The following NUP62 variants were observed in gnomAD, a reference collection of about 807,000 sequenced individuals.
NUP62 encodes nuclear pore glycoprotein p62.
For synonymous variants in NUP62, 305 were observed against 303.4 expected, an observed-to-expected ratio of 1.01 and a Z score of -0.05; for missense variants, 647 against 689.4, an observed-to-expected ratio of 0.94 and a Z score of 0.69.
At position 49,909,394 on chromosome 19, in the gene NUP62, G is replaced by C. The variant is rs200074617; in HGVS notation, c.414C>G (p.Thr138=). 15 of 1,613,676 alleles carry C rather than the reference G, an allele frequency of 9.3e-6. No individual in the cohort carries two copies. Among genetic ancestry groups the C allele is most frequent in the Non-Finnish European group, 1.1e-5 (13 of 1,180,028 alleles). ...TGGTGGAGGGGCCAAACACAAAGCC[G>C]GTGGGTGCTGTGCCCTGGCTGGAGG... ...TVTSSQGTAP[T]GFVFGPSTTS... The change falls in exon 3 of 3, where the codon ACC becomes ACG. Residue 138 remains threonine (T), a synonymous_variant. Coordinates refer to ENST00000352066, the MANE Select transcript of NUP62 (RefSeq NM_016553.5).
chr19:49,912,166 CTT>C (rs60350799), intron 2 of NUP62, among the ~76,000 whole-genome samples: 1,355 of 115,410 alleles, frequency 0.012, 10 homozygotes, highest in African/African-American at 0.034. Flanking sequence ...AACAGTTCAC[CTT>C]TTTTTTTTTT....
At chr19:49,925,939 G>A (rs1381607294) in intron 2 of NUP62, among the ~76,000 whole-genome samples, 3 of 152,056 alleles carry the variant, frequency 2.0e-5, no homozygotes, top group Non-Finnish European at 2.9e-5. Flanking sequence ...CCTTGGGTAC[G>A]GTGGCTCACA....
intron 2 of NUP62, among the ~76,000 whole-genome samples, chr19:49,915,868 T>G (rs2075610920): frequency 6.6e-6 from 1 of 152,188 alleles, no homozygotes; most frequent in Admixed American, 6.5e-5. Context: ...AGGCCATCTA[T>G]GATGGGAGGG....
chr19:49,920,945 C>T (rs1262744002), intron 2 of NUP62, among the ~76,000 whole-genome samples: 1 of 152,152 alleles, frequency 6.6e-6, no homozygotes, highest in African/African-American at 2.4e-5. Flanking sequence ...GGGAAGGGCC[C>T]AGGCCGGGCT....
In NUP62 at chr19:49,909,435, T is replaced by A. The variant is rs757619226; in HGVS notation, c.373A>T (p.Ile125Leu). The A allele has an allele frequency of 5.6e-6, 9 of 1,613,984 alleles. No homozygotes were observed. Among genetic ancestry groups the A allele is most frequent in the Non-Finnish European group, 5.9e-6 (7 of 1,180,004 alleles). The change falls in exon 3 of 3, where the codon ATA becomes TTA. Residue 125 changes from isoleucine to leucine, a missense_variant. Transcript: ENST00000352066. ...TGGCTGGAGGTGACGGTGCTCGATATGGCATTAGTGAGGTTGCTGCTGCCC... is the reference window on the plus strand; with the variant it reads ...TGGCTGGAGGTGACGGTGCTCGATAAGGCATTAGTGAGGTTGCTGCTGCCC... ...GLGSSNLTNAISSTVTSSQGT... is the reference protein window; with the variant it reads ...GLGSSNLTNALSSTVTSSQGT...
At position 49,909,430 on chromosome 19, in the gene NUP62, C is replaced by T. The variant is rs61741016; in HGVS notation, c.378G>A (p.Ser126=). The T allele has an allele frequency of 3.0e-4, 492 of 1,613,822 alleles. No homozygotes were observed. Among genetic ancestry groups the T allele is most frequent in the Admixed American group, 1.9e-3 (115 of 59,996 alleles). ...TGCCCTGGCTGGAGGTGACGGTGCT[C>T]GATATGGCATTAGTGAGGTTGCTGC... ...LGSSNLTNAI[S]STVTSSQGTA... Residue 126 remains serine, a synonymous_variant, in exon 3 of 3, where the codon TCG becomes TCA. Coordinates refer to ENST00000352066, the MANE Select transcript of NUP62 (RefSeq NM_016553.5).
rs778299454 is a variant in NUP62 at position 49,908,970 on chromosome 19, T to C, written c.838A>G (p.Thr280Ala). The C allele has an allele frequency of 1.2e-5, 20 of 1,608,118 alleles. No individual in the cohort carries two copies. Among genetic ancestry groups the C allele is most frequent in the African/African-American group, 2.7e-5 (2 of 74,794 alleles). Residue 280 changes from threonine (T) to alanine (A), a missense_variant, in exon 3 of 3, where the codon ACC becomes GCC. Coordinates refer to ENST00000352066, the MANE Select transcript of NUP62 (RefSeq NM_016553.5). ...TTSTAATATATTTSSSSTTGF... is the reference protein window; with the variant it reads ...TTSTAATATAATTSSSSTTGF... ...GTGGTGCTGCTGCTGCTGGTGGTGG[T>C]GGCGGTGGCGGTGGCAGCGGTGGAT...
At chr19:49,919,979 G>A (rs1479722795) in intron 2 of NUP62, among the ~76,000 whole-genome samples, 1 of 152,038 alleles carries the variant, frequency 6.6e-6, no homozygotes, top group African/African-American at 2.4e-5. Flanking sequence ...CCAGGCTGGA[G>A]TGCAGTGGTG....
intron 2 of NUP62, 100 bp from the exon 3 acceptor site, chr19:49,909,984 A>G: frequency 5.6e-6 from 4 of 711,246 alleles, no homozygotes; most frequent in Non-Finnish European, 1.0e-5. Context: ...GGGATGGGAT[A>G]ATGATGCATG....
chr19:49,918,079 T>C (rs1000808252), intron 2 of NUP62, among the ~76,000 whole-genome samples: 1 of 123,424 alleles, frequency 8.1e-6, no homozygotes, highest in Admixed American at 8.0e-5. Flanking sequence ...TTCCTTTTTC[T>C]TTTTTTTTTT....
intron 2 of NUP62, among the ~76,000 whole-genome samples, chr19:49,927,413 G>GC (rs2075925761): frequency 6.6e-6 from 1 of 152,058 alleles, no homozygotes; most frequent in Admixed American, 6.6e-5. Flanking sequence ...CAAAAAATTC[G>GC]CATGTTTTGG....
At chr19:49,915,077 G>A (rs1409809955) in intron 2 of NUP62, among the ~76,000 whole-genome samples, 1 of 151,964 alleles carries the variant, frequency 6.6e-6, no homozygotes, top group Non-Finnish European at 1.5e-5. Context: ...ACAGGAGTCT[G>A]TGCCTGGGAA....
chr19:49,918,114 T>A (rs2075672132), intron 2 of NUP62, among the ~76,000 whole-genome samples: 1 of 151,616 alleles, frequency 6.6e-6, no homozygotes, highest in African/African-American at 2.4e-5. Context: ...CACTCTGTCA[T>A]CCAGTGCAGT....
chr19:49,912,462 C>T (rs1187845117), intron 2 of NUP62, among the ~76,000 whole-genome samples: 1 of 152,202 alleles, frequency 6.6e-6, no homozygotes, highest in East Asian at 1.9e-4. Context: ...AGCCACTGCG[C>T]CCGGCCAACA....
chr19:49,920,632 G>A (rs991710198), intron 2 of NUP62, among the ~76,000 whole-genome samples: 6 of 152,212 alleles, frequency 3.9e-5, no homozygotes, highest in Admixed American at 1.3e-4. Context: ...ACTTTACCCC[G>A]AGGGCAACGG....
intron 2 of NUP62, among the ~76,000 whole-genome samples, chr19:49,920,855 A>G (rs936034489): frequency 1.6e-4 from 25 of 152,126 alleles, no homozygotes; most frequent in African/African-American, 5.8e-4. Context: ...AACGGCGCAC[A>G]CCTGTGCCCC....
intron 2 of NUP62, among the ~76,000 whole-genome samples, chr19:49,923,601 G>A (rs981056761): frequency 6.6e-6 from 1 of 152,226 alleles, no homozygotes; most frequent in Non-Finnish European, 1.5e-5. Flanking sequence ...TCTCCACAGC[G>A]CTCCCACACC....
chr19:49,920,978 A>G (rs2075753220), intron 2 of NUP62, among the ~76,000 whole-genome samples: 1 of 152,042 alleles, frequency 6.6e-6, no homozygotes, highest in African/African-American at 2.4e-5. Context: ...GTTGCTATGG[A>G]GGTTTCTCTG....
At chr19:49,916,203 G>A (rs2122679697) in intron 2 of NUP62, among the ~76,000 whole-genome samples, 1 of 152,284 alleles carries the variant, frequency 6.6e-6, no homozygotes, top group African/African-American at 2.4e-5. Context: ...TGGGACGGGA[G>A]AGTTTCATTG....
Sources: gnomAD v4.1 joint callset for allele counts (sites outside exome capture counted in the v4.1 genomes callset) on GRCh38, gnomAD v4.1.1 for gene constraint, MANE v1.5 for transcripts, NCBI Gene and HGNC (gene_info 2026-07-23, HGNC 2026-07-21) for gene names.